The following SPIRE1 variants were observed in gnomAD, a reference collection of about 807,000 sequenced individuals.
SPIRE1 encodes spire type actin nucleation factor 1.
A neutral mutation model predicts 94.1 loss-of-function variants in SPIRE1; 40 were observed. The observed-to-expected ratio is 0.43, with a 90% CI of 0.33 to 0.55. The LOEUF is 0.55. Among genes scored for constraint, SPIRE1 ranks in the 20% least tolerant of loss-of-function variants. The pLI is 0.06. For missense variants in SPIRE1, 838 were observed against 975.2 expected, an observed-to-expected ratio of 0.86 and a Z score of 1.87; for synonymous variants, 376 against 371.7, an observed-to-expected ratio of 1.01 and a Z score of -0.13.
At chr18:12,500,331 T>C (rs532970433) in intron 6 of SPIRE1, among the ~76,000 whole-genome samples, 1 of 152,118 alleles carries the variant, frequency 6.6e-6, no homozygotes, top group South Asian at 2.1e-4. Context: ...TCCAAAGATA[T>C]ACAAATGGTT....
chr18:12,464,312 C>CCAT (rs1555681354), intron 11 of SPIRE1, among the ~76,000 whole-genome samples: 1 of 151,658 alleles, frequency 6.6e-6, no homozygotes, highest in Non-Finnish European at 1.5e-5. Flanking sequence ...AATAATAAAA[C>CCAT]TACTTAAAGA....
At chr18:12,645,443 G>A (rs1156434284) in intron 1 of SPIRE1, among the ~76,000 whole-genome samples, 1 of 152,148 alleles carries the variant, frequency 6.6e-6, no homozygotes, top group Non-Finnish European at 1.5e-5. Flanking sequence ...CAAGAAGTCA[G>A]AGCCTTTGAA....
Position 12,609,070 on chromosome 18 carries a change from G to A in SPIRE1, c.372+25992C>T, listed in dbSNP as rs562933431. Reference sequence around the variant, plus strand: ...AGCACACAACCTGGATACCTCGCACGCACAGTTCACAATAGGGTTCGAGCT... The same window carrying A: ...AGCACACAACCTGGATACCTCGCACACACAGTTCACAATAGGGTTCGAGCT... On this transcript the variant is annotated intron_variant, in intron 2 of 16. Transcript: ENST00000409402. 1.4e-4 allele frequency among the ~76,000 whole-genome samples: 22 copies of A among 152,178 alleles called. No individual in the cohort carries two copies. In the South Asian group the frequency reaches 4.2e-3, roughly 29 times the overall value.
intron 2 of SPIRE1, among the ~76,000 whole-genome samples, chr18:12,572,055 G>A (rs183986766): frequency 1.1e-3 from 168 of 152,280 alleles, no homozygotes; most frequent in African/African-American, 3.9e-3. Context: ...GAGCAGATGG[G>A]GTTACAGTAG....
chr18:12,483,270 T>A (rs2032909826), intron 9 of SPIRE1, among the ~76,000 whole-genome samples: 1 of 152,222 alleles, frequency 6.6e-6, no homozygotes, highest in Admixed American at 6.5e-5. Flanking sequence ...AACATATTTT[T>A]AAGAAGTTTG....
intron 11 of SPIRE1, among the ~76,000 whole-genome samples, chr18:12,464,461 T>C (rs183808417): frequency 3.9e-5 from 6 of 152,176 alleles, no homozygotes; most frequent in Admixed American, 3.9e-4. Context: ...TCCTAAAGAG[T>C]TATAAAGGTG....
chr18:12,510,056 G>C lies in SPIRE1; in HGVS notation c.807+2398C>G, dbSNP rs567116815. 6.6e-5 allele frequency among the ~76,000 whole-genome samples: 10 copies of C among 150,654 alleles called. No homozygotes were observed. The South Asian group carries it at 1.9e-3, about 29-fold the overall frequency. Reference sequence around the variant, plus strand: ...GCCGAGATCACGCCACTGTACTCCAGCCTGGGCGACAGAGCAAGACTCCAT... The same window carrying C: ...GCCGAGATCACGCCACTGTACTCCACCCTGGGCGACAGAGCAAGACTCCAT... On this transcript the variant is annotated intron_variant, in intron 5 of 16. Transcript: ENST00000409402.
At chr18:12,562,355 G>A (rs1248586830) in intron 2 of SPIRE1, among the ~76,000 whole-genome samples, 3 of 152,100 alleles carry the variant, frequency 2.0e-5, no homozygotes, top group Non-Finnish European at 4.4e-5. Context: ...TGTAATCATG[G>A]CTCACTGGAG....
chr18:12,630,904 T>TC (rs542475397), intron 2 of SPIRE1, among the ~76,000 whole-genome samples: 5 of 152,102 alleles, frequency 3.3e-5, no homozygotes, highest in South Asian at 4.1e-4. Context: ...GAAAAACAAT[T>TC]TGTTTTGCTC....
chr18:12,498,410 C>CT (rs1237875370), intron 6 of SPIRE1, among the ~76,000 whole-genome samples: 1 of 152,056 alleles, frequency 6.6e-6, no homozygotes, highest in Non-Finnish European at 1.5e-5. Context: ...AAGCAAAAAA[C>CT]TTTTTTGTAT....
chr18:12,661,897 C>G (rs2144936213), upstream of SPIRE1: 1 of 177,550 alleles, frequency 5.6e-6, no homozygotes, highest in Non-Finnish European at 1.2e-5. Context: ...CTGAACAACT[C>G]AAATCAACAT....
intron 3 of SPIRE1, among the ~76,000 whole-genome samples, chr18:12,546,050 C>T (rs1049768234): frequency 1.4e-4 from 21 of 152,040 alleles, no homozygotes; most frequent in Non-Finnish European, 2.9e-5. Flanking sequence ...AGTGCAGTGG[C>T]GTGATCTCAG....
At position 12,546,793 on chromosome 18, in the gene SPIRE1, T is replaced by G. The variant is rs1251800238; in HGVS notation, c.484A>C (p.Asn162His). Residue 162 changes from asparagine to histidine, a missense_variant, in exon 3 of 17, where the codon AAC (asparagine) becomes CAC (histidine). By Grantham distance (68) the Asn-to-His change is moderately conservative. Coordinates refer to ENST00000409402, the MANE Select transcript of SPIRE1 (RefSeq NM_001128626.2). ...TTGCTACCGTCAGCTTCCACCGTGT[T>G]GGCCATGTGATCGATAAGCTGCTCT... ...PLEQLIDHMANTVEADGSNDE... is the reference protein window; with the variant it reads ...PLEQLIDHMAHTVEADGSNDE... 1 of 1,614,058 alleles carries G rather than the reference T, an allele frequency of 6.2e-7. No homozygotes were observed. Among genetic ancestry groups the G allele is most frequent in the African/African-American group, 1.3e-5 (1 of 74,918 alleles).
rs139457976 is a variant in SPIRE1 at position 12,447,423 on chromosome 18, A to AG, written c.*2214dup. On this transcript the variant is annotated 3_prime_UTR_variant, in exon 17 of 17. Coordinates refer to ENST00000409402, the MANE Select transcript of SPIRE1 (RefSeq NM_001128626.2). ...ACTATGTAGCTGACGTGAAGTGTGG[A>AG]GGGGGGTGGTAGAAAGGGGGGTTAA... 0.099 allele frequency: 14,756 copies of AG among 148,874 alleles called. 1,053 individuals are homozygous for AG. Among genetic ancestry groups the AG allele is most frequent in the Middle Eastern group, 0.2 (58 of 294 alleles). The allele number at this position is 148,874 out of a possible 1,614,324, so 9.2% of individuals were successfully genotyped here. A position where few individuals can be genotyped will look rare whatever the true frequency, so the allele number is the denominator to read the frequency against.
chr18:12,529,141 G>A (rs1467835149), intron 4 of SPIRE1, among the ~76,000 whole-genome samples: 5 of 152,284 alleles, frequency 3.3e-5, no homozygotes, highest in African/African-American at 9.6e-5. Flanking sequence ...AGGCCGAGGC[G>A]GGCGGACCAC....
At chr18:12,475,127 G>A (rs1165535128) in intron 10 of SPIRE1, among the ~76,000 whole-genome samples, 1 of 152,164 alleles carries the variant, frequency 6.6e-6, no homozygotes, top group South Asian at 2.1e-4. Flanking sequence ...AGGCACGGGA[G>A]AAATACATCA....
Position 12,449,843 on chromosome 18 carries a change from G to A in SPIRE1, c.2066C>T (p.Pro689Leu). The A allele has an allele frequency of 3.1e-6, 5 of 1,614,048 alleles. No individual in the cohort carries two copies. The highest frequency in any genetic ancestry group is 3.3e-4 in the Middle Eastern group (2 of 6,062). The change falls in exon 17 of 17, where the codon CCC becomes CTC. Residue 689 changes from proline to leucine, a missense_variant. Physicochemically the swap from Pro to Leu is moderately conservative, Grantham distance 98 (BLOSUM62 -3). Around this residue, in one of 2 missense-constraint regions of SPIRE1, gnomAD observed 645 missense variants for 804.7 expected, o/e 0.80. Transcript: ENST00000409402. ...MDKSDEELQF[P>L]KELMEDWSTM... ...GCTCCAGTCCTCCATCAACTCTTTG[G>A]GAAACTGGAGTTCTTCATCTGATTT...
chr18:12,477,589 C>G, intron 10 of SPIRE1, among the ~76,000 whole-genome samples: 1 of 152,066 alleles, frequency 6.6e-6, no homozygotes, highest in East Asian at 1.9e-4. Flanking sequence ...TCTGGTGGGA[C>G]AGAGAAATAA....
chr18:12,578,807 C>A (rs1001613121), intron 2 of SPIRE1, among the ~76,000 whole-genome samples: 4 of 152,088 alleles, frequency 2.6e-5, no homozygotes, highest in African/African-American at 9.7e-5. Context: ...AATTCAAATA[C>A]TAAAAGAAAC....
Sources: gnomAD v4.1 joint callset for allele counts (sites outside exome capture counted in the v4.1 genomes callset) on GRCh38, gnomAD v4.1.1 for gene constraint, gnomAD v4.1.1 regional missense constraint, MANE v1.5 for transcripts, NCBI Gene and HGNC (gene_info 2026-07-23, HGNC 2026-07-21) for gene names.